Variants in HDAC9 observed in about 807,000 individuals in gnomAD.
HDAC9 encodes histone deacetylase 9.
Under a neutral mutation model 139.4 loss-of-function variants are expected in HDAC9, and 41 were observed. That is an observed-to-expected ratio of 0.29 (90% CI 0.23 to 0.38). The LOEUF is 0.38. HDAC9 is among the 10% of genes least tolerant of loss of function. The probability of loss-of-function intolerance (pLI) is 1.00; values close to 1 mark genes in which losing one functional copy is unlikely to be tolerated. For missense variants in HDAC9, 1,147 were observed against 1,297.0 expected (o/e 0.88, Z 1.78); for synonymous variants, 517 against 476.2 (o/e 1.09, Z -1.12).
At chr7:18,573,718 G>A (rs1825045092) in intron 2 of HDAC9, among the ~76,000 whole-genome samples, 1 of 152,240 alleles carries the variant, frequency 6.6e-6, no homozygotes, top group Non-Finnish European at 1.5e-5. Flanking sequence ...CATGTGAGGA[G>A]GCTGAGGCTG....
At chr7:18,461,249 T>C (rs1295029680) in intron 1 of HDAC9, among the ~76,000 whole-genome samples, 4 of 152,182 alleles carry the variant, frequency 2.6e-5, no homozygotes, top group African/African-American at 4.8e-5. Flanking sequence ...CTTTTTGACA[T>C]AGATTGATCC....
chr7:18,595,325 C>T (rs1338524364), intron 6 of HDAC9, among the ~76,000 whole-genome samples: 3 of 149,752 alleles, frequency 2.0e-5, no homozygotes, highest in Non-Finnish European at 3.0e-5. Context: ...ATCAGAATTC[C>T]ACCCTATTAT....
chr7:18,169,557 C>T (rs1788259348), intron 2 of HDAC9, among the ~76,000 whole-genome samples: 1 of 151,846 alleles, frequency 6.6e-6, no homozygotes, highest in Non-Finnish European at 1.5e-5. Context: ...GTTTGCTGCA[C>T]CCATTAACTC....
Position 18,661,646 on chromosome 7 carries a change from A to T in HDAC9, c.1468-4567A>T, listed in dbSNP as rs142351969. On this transcript the variant is annotated intron_variant, in intron 11 of 25. Coordinates refer to ENST00000686413, the MANE Select transcript of HDAC9 (RefSeq NM_178425.4). ...TAAGAATGTTATTAAAAGATTTTCAAGTCCAGCATTTTATATCTATATGTT... is the reference window on the plus strand; with the variant it reads ...TAAGAATGTTATTAAAAGATTTTCATGTCCAGCATTTTATATCTATATGTT... 1.7e-3 allele frequency among the ~76,000 whole-genome samples: 258 copies of T among 152,224 alleles called. 1 individual carries two copies. Among genetic ancestry groups the T allele is most frequent in the African/African-American group, 5.7e-3 (238 of 41,570 alleles).
intron 16 of HDAC9, among the ~76,000 whole-genome samples, chr7:18,781,049 C>T (rs906780158): frequency 6.6e-6 from 1 of 152,004 alleles, no homozygotes; most frequent in African/African-American, 2.4e-5. Flanking sequence ...TAAGGCTTCT[C>T]TCCTGGGTCC....
upstream of HDAC9, among the ~76,000 whole-genome samples, chr7:18,288,996 TC>T (rs1419888671): frequency 6.6e-6 from 1 of 152,134 alleles, no homozygotes; most frequent in African/African-American, 2.4e-5. Flanking sequence ...CTTTTTCACT[TC>T]CCCCTCTTCT....
At chr7:18,517,362 G>T (rs1803560049) in intron 2 of HDAC9, among the ~76,000 whole-genome samples, 1 of 152,088 alleles carries the variant, frequency 6.6e-6, no homozygotes, top group South Asian at 2.1e-4. Context: ...CTTTCCACTT[G>T]TAGTTTCATG....
chr7:18,724,204 A>G (rs897611087), intron 12 of HDAC9, among the ~76,000 whole-genome samples: 2 of 152,006 alleles, frequency 1.3e-5, no homozygotes, highest in African/African-American at 2.4e-5. Flanking sequence ...ATCATCCCGA[A>G]TTTTTCCTGT....
chr7:18,849,281 A>G (rs1193707123), intron 21 of HDAC9, among the ~76,000 whole-genome samples: 3 of 152,208 alleles, frequency 2.0e-5, no homozygotes, highest in South Asian at 4.1e-4. Flanking sequence ...CACTGATTAC[A>G]TGTGAGTGGT....
At chr7:18,633,785 C>A (rs1458983242) in intron 7 of HDAC9, among the ~76,000 whole-genome samples, 1 of 151,994 alleles carries the variant, frequency 6.6e-6, no homozygotes, top group Non-Finnish European at 1.5e-5. Context: ...GATAAGATGA[C>A]TTCTCTAGCT....
At chr7:18,937,156 C>T (rs1179531861) in intron 23 of HDAC9, among the ~76,000 whole-genome samples, 1 of 151,270 alleles carries the variant, frequency 6.6e-6, no homozygotes, top group African/African-American at 2.4e-5. Flanking sequence ...TCCCCTGCCT[C>T]AGCCACCCAA....
intron 12 of HDAC9, among the ~76,000 whole-genome samples, chr7:18,671,942 ATTTT>A (rs1795699664): frequency 1.3e-5 from 2 of 151,872 alleles, no homozygotes; most frequent in African/African-American, 4.8e-5. Context: ...GCTATACAAC[ATTTT>A]GCTTATTCAT....
At chr7:18,910,063 A>G (rs1166286817) in intron 22 of HDAC9, among the ~76,000 whole-genome samples, 1 of 152,070 alleles carries the variant, frequency 6.6e-6, no homozygotes, top group Admixed American at 6.6e-5. Context: ...GAAGTCCCCA[A>G]CTATTGTTGT....
At chr7:18,469,064 A>G (rs1388401594) in intron 1 of HDAC9, among the ~76,000 whole-genome samples, 1 of 152,176 alleles carries the variant, frequency 6.6e-6, no homozygotes, top group Non-Finnish European at 1.5e-5. Flanking sequence ...TCAGACCCAC[A>G]TCTAATTGTG....
At chr7:18,751,408 A>G (rs1788435303) in intron 14 of HDAC9, among the ~76,000 whole-genome samples, 1 of 152,156 alleles carries the variant, frequency 6.6e-6, no homozygotes, top group African/African-American at 2.4e-5. Flanking sequence ...AATAGAAGCC[A>G]CTTTTCCTAA....
At chr7:18,619,590 C>A (rs1411399661) in intron 6 of HDAC9, among the ~76,000 whole-genome samples, 1 of 152,122 alleles carries the variant, frequency 6.6e-6, no homozygotes, top group African/African-American at 2.4e-5. Context: ...CTCATAAGAT[C>A]TGTGTCTATG....
At chr7:18,786,486 C>CCTTCCTTCCTTCCTTCCTTCCTTCA (rs766384933) in intron 16 of HDAC9, among the ~76,000 whole-genome samples, 11 of 32,732 alleles carry the variant, frequency 3.4e-4, no homozygotes, top group African/African-American at 7.5e-4. Flanking sequence ...TCCTTCCTTT[C>CCTTCCTTCCTTCCTTCCTTCCTTCA]TTCCTTCCTT....
At chr7:18,171,808 G>C (rs1249156148) in intron 2 of HDAC9, among the ~76,000 whole-genome samples, 5 of 152,144 alleles carry the variant, frequency 3.3e-5, no homozygotes, top group Non-Finnish European at 7.3e-5. Flanking sequence ...ACTTGTTCGT[G>C]GTGGATAAGC....
At chr7:18,829,439 T>G in intron 18 of HDAC9, 22 bp from the exon 19 acceptor site, 1 of 1,547,936 alleles carries the variant, frequency 6.5e-7, no homozygotes, top group Non-Finnish European at 8.9e-7. Flanking sequence ...TTCTTATTTC[T>G]CTGTTCTTCT....
Sources: allele counts gnomAD v4.1 joint callset (sites outside exome capture counted in the v4.1 genomes callset), GRCh38; gene constraint gnomAD v4.1.1; transcripts MANE v1.5; gene names NCBI Gene and HGNC (gene_info 2026-07-23, HGNC 2026-07-21).